C12orf42: variants seen among roughly 807,000 people sequenced by gnomAD.
C12orf42 encodes the protein chromosome 12 open reading frame 42, also known as uncharacterized protein C12orf42.
A neutral mutation model predicts 21.6 loss-of-function variants in C12orf42; 25 were observed. The ratio of observed to expected loss-of-function variants is 1.16; its 90% CI spans 0.84 to 1.62. The LOEUF (loss-of-function observed/expected upper bound fraction) is 1.62. C12orf42 is among the 40% of genes most tolerant of loss of function. The pLI, the probability that C12orf42 is intolerant of heterozygous loss-of-function variation, is 0.00. For missense variants in C12orf42, 483 were observed against 459.3 expected (o/e 1.05, Z -0.47); for synonymous variants, 174 against 175.0 (o/e 0.99, Z 0.05).
intron 4 of C12orf42, among the ~76,000 whole-genome samples, chr12:103,337,348 TTG>T (rs1361533631): frequency 1.3e-5 from 2 of 149,794 alleles, no homozygotes; most frequent in African/African-American, 5.1e-5. Context: ...CAAGGTTTTT[TTG>T]TTTGTTTGTT....
the C12orf42 span, among the ~76,000 whole-genome samples, chr12:103,518,316 G>A: frequency 6.6e-6 from 1 of 152,140 alleles, no homozygotes; most frequent in East Asian, 1.9e-4. Flanking sequence ...CATTTAGCCA[G>A]GAAACCAAGC....
the C12orf42 span, among the ~76,000 whole-genome samples, chr12:103,113,375 G>A: frequency 7.7e-4 from 118 of 152,286 alleles, no homozygotes; most frequent in Non-Finnish European, 1.5e-3. Context: ...GGAAGAGAAG[G>A]AAGGTGTTTG....
the C12orf42 span, chr12:103,503,958 C>T: frequency 3.9e-5 from 6 of 154,156 alleles, no homozygotes; most frequent in South Asian, 1.8e-4. Flanking sequence ...TCTAGTCATG[C>T]GCCCTATCTA....
At chr12:103,056,829 G>A in the C12orf42 span, among the ~76,000 whole-genome samples, 1 of 151,918 alleles carries the variant, frequency 6.6e-6, no homozygotes, top group Non-Finnish European at 1.5e-5. Flanking sequence ...CTATTTCCTT[G>A]GTGAGACTCC....
chr12:103,128,829 T>C, the C12orf42 span, among the ~76,000 whole-genome samples: 1 of 152,232 alleles, frequency 6.6e-6, no homozygotes, highest in Non-Finnish European at 1.5e-5. Context: ...ATTTAAAATA[T>C]ATCTTGAAAC....
the C12orf42 span, among the ~76,000 whole-genome samples, chr12:103,203,571 T>C: frequency 6.6e-6 from 1 of 152,098 alleles, no homozygotes; most frequent in Non-Finnish European, 1.5e-5. Context: ...GAGACAGAAA[T>C]GGAAATTTAA....
intron 4 of C12orf42, among the ~76,000 whole-genome samples, chr12:103,278,395 AG>A (rs1380349648): frequency 6.6e-6 from 1 of 152,264 alleles, no homozygotes; most frequent in Non-Finnish European, 1.5e-5. Flanking sequence ...AAACAAAAAA[AG>A]CCCAAGAGTG....
the C12orf42 span, among the ~76,000 whole-genome samples, chr12:103,172,765 T>G: frequency 6.6e-6 from 1 of 152,180 alleles, no homozygotes; most frequent in Non-Finnish European, 1.5e-5. Flanking sequence ...TCCTGGAATT[T>G]TATCCAAAAG....
chr12:103,270,356 G>A (rs892612610), intron 5 of C12orf42: 1 of 146,358 alleles, frequency 6.8e-6, no homozygotes. Context: ...AAGGAGGGAA[G>A]GAAGGAAGAA....
At chr12:103,117,539 G>A in the C12orf42 span, among the ~76,000 whole-genome samples, 1 of 152,282 alleles carries the variant, frequency 6.6e-6, no homozygotes, top group South Asian at 2.1e-4. Flanking sequence ...TTGCATTCCA[G>A]GCCCCATGGA....
rs547604372 is a variant in C12orf42, at chr12:103,423,171, C to T, written c.79-21496G>A. On this transcript the variant is annotated intron_variant, in intron 2 of 5. Transcript: ENST00000548883. ...GCATTGATGCCCTTGCCCTGGGGCCCCCAGCCCTTTGTCACGGGGTCAAAG... is the reference window on the plus strand; with the variant it reads ...GCATTGATGCCCTTGCCCTGGGGCCTCCAGCCCTTTGTCACGGGGTCAAAG... Among the ~76,000 whole-genome samples the T allele has an allele frequency of 7.2e-5, 11 of 152,298 alleles. No individual in the cohort carries two copies. In the East Asian group the frequency reaches 2.1e-3, roughly 29 times the overall value.
the C12orf42 span, among the ~76,000 whole-genome samples, chr12:103,224,995 G>T: frequency 6.6e-6 from 1 of 152,170 alleles, no homozygotes; most frequent in African/African-American, 2.4e-5. Context: ...TAACAGATGA[G>T]GATGAAATTT....
At chr12:103,244,105 T>G (rs991812653) in intron 10 of C12orf42, among the ~76,000 whole-genome samples, 3 of 152,100 alleles carry the variant, frequency 2.0e-5, no homozygotes, top group African/African-American at 7.2e-5. Flanking sequence ...CAGACTGCCT[T>G]TATATGTCTC....
chr12:103,137,582 C>T, the C12orf42 span, among the ~76,000 whole-genome samples: 1 of 152,170 alleles, frequency 6.6e-6, no homozygotes, highest in South Asian at 2.1e-4. Flanking sequence ...CCATGTTTAT[C>T]ACAGCACTAT....
chr12:103,350,914 A>T (rs2043050193), intron 4 of C12orf42, among the ~76,000 whole-genome samples: 1 of 152,096 alleles, frequency 6.6e-6, no homozygotes, highest in Non-Finnish European at 1.5e-5. Context: ...AAAATTACTG[A>T]GACTTTTTTT....
intron 4 of C12orf42, among the ~76,000 whole-genome samples, chr12:103,342,426 T>G (rs908227149): frequency 6.6e-6 from 1 of 152,072 alleles, no homozygotes; most frequent in Non-Finnish European, 1.5e-5. Context: ...AAAACGAATA[T>G]GCATGGAGCA....
At position 103,439,554 on chromosome 12, in the gene C12orf42, T is replaced by A. The variant is rs1171010039; in HGVS notation, c.79-37879A>T. Among the ~76,000 whole-genome samples, 487 of 126,494 alleles carry A rather than the reference T, an allele frequency of 3.8e-3. 4 individuals carry two copies. Among genetic ancestry groups the A allele is most frequent in the African/African-American group, 0.014 (474 of 32,960 alleles). 83.0% of individuals were successfully genotyped at this position (126,494 alleles called of 152,430 possible). On this transcript the variant is annotated intron_variant, in intron 2 of 5. Transcript: ENST00000548883. ...AGAATCTACAATGAACTCCAACAAA[T>A]TTACAAGAAAAAAACAAACAACCCC...
the C12orf42 span, among the ~76,000 whole-genome samples, chr12:103,548,457 T>C: frequency 3.2e-3 from 481 of 152,298 alleles, 3 homozygotes; most frequent in African/African-American, 0.011. Context: ...ATAAAAACAA[T>C]GACCATCTAA....
the C12orf42 span, chr12:103,504,227 T>A: frequency 6.5e-6 from 1 of 153,490 alleles, no homozygotes; most frequent in Non-Finnish European, 1.5e-5. Flanking sequence ...ACCACCCTGA[T>A]CCAACGGGAC....
Sources: allele counts gnomAD v4.1 joint callset (sites outside exome capture counted in the v4.1 genomes callset), GRCh38; gene constraint gnomAD v4.1.1; transcripts MANE v1.5; gene names NCBI Gene and HGNC (gene_info 2026-07-23, HGNC 2026-07-21).